Variants in LDLRAD4 observed in about 807,000 individuals in gnomAD.
LDLRAD4 encodes low-density lipoprotein receptor class A domain-containing protein 4.
A neutral mutation model predicts 17.0 loss-of-function variants in LDLRAD4; 5 were observed. The observed-to-expected ratio is 0.29, with a 90% CI of 0.15 to 0.62. The LOEUF is 0.62. Ranked by LOEUF, LDLRAD4 falls within the 20% of genes least tolerant of loss-of-function variation. The probability of loss-of-function intolerance (pLI) is 0.84; values close to 1 mark genes in which losing one functional copy is unlikely to be tolerated. For synonymous variants in LDLRAD4, 168 were observed against 171.8 expected (o/e 0.98, Z 0.17); for missense variants, 340 against 424.7 (o/e 0.80, Z 1.75).
intron 4 of LDLRAD4, among the ~76,000 whole-genome samples, chr18:13,624,707 G>A (rs2040966616): frequency 6.6e-6 from 1 of 152,154 alleles, no homozygotes; most frequent in African/African-American, 2.4e-5. Flanking sequence ...CCATCCCTAG[G>A]TGACCACCTG....
At position 13,394,514 on chromosome 18, in the gene LDLRAD4, A is replaced by C. The variant is rs2086507887; in HGVS notation, c.40+6752A>C. ...AAAATATCCAAAGCAATTAAATATAAAAATTATAAAGTCAGAAACATTCCA... is the reference window on the plus strand; with the variant it reads ...AAAATATCCAAAGCAATTAAATATACAAATTATAAAGTCAGAAACATTCCA... On this transcript the variant is annotated intron_variant, in intron 2 of 5. Transcript: ENST00000359446. Among the ~76,000 whole-genome samples, 4 of 152,356 alleles carry C rather than the reference A, an allele frequency of 2.6e-5. No individual in the cohort carries two copies. In the South Asian group the frequency reaches 8.3e-4, roughly 32 times the overall value.
At chr18:13,556,352 T>C (rs1436416056) in intron 3 of LDLRAD4, among the ~76,000 whole-genome samples, 2 of 152,242 alleles carry the variant, frequency 1.3e-5, no homozygotes, top group East Asian at 1.9e-4. Flanking sequence ...TGGATTGCTA[T>C]AAACTCTGCT....
intron 1 of LDLRAD4, among the ~76,000 whole-genome samples, chr18:13,245,219 C>T (rs1438744887): frequency 3.3e-5 from 5 of 152,136 alleles, no homozygotes; most frequent in South Asian, 2.1e-4. Flanking sequence ...CTGGGCTGTA[C>T]GGATGCATGT....
At chr18:13,600,299 A>G (rs984105846) in intron 3 of LDLRAD4, among the ~76,000 whole-genome samples, 8 of 152,218 alleles carry the variant, frequency 5.3e-5, no homozygotes. Context: ...GAGTGCAGGT[A>G]TTTTAAGAAT....
At chr18:13,439,371 G>A (rs2090877351) in intron 3 of LDLRAD4, among the ~76,000 whole-genome samples, 1 of 152,212 alleles carries the variant, frequency 6.6e-6, no homozygotes, top group Admixed American at 6.5e-5. Flanking sequence ...AAAAATGACT[G>A]TGCTCTAGCA....
chr18:13,316,596 G>A (rs2080947171), intron 1 of LDLRAD4, among the ~76,000 whole-genome samples: 1 of 152,232 alleles, frequency 6.6e-6, no homozygotes, highest in Non-Finnish European at 1.5e-5. Flanking sequence ...AGTCACAGCA[G>A]TGCCTTGTGG....
chr18:13,645,667 A>G lies in LDLRAD4; in HGVS notation c.*10A>G. 1 of 1,502,532 alleles carries G rather than the reference A, an allele frequency of 6.7e-7. No individual in the cohort carries two copies. Among genetic ancestry groups the G allele is most frequent in the Non-Finnish European group, 8.9e-7 (1 of 1,126,832 alleles). The allele number at this position is 1,502,532 out of a possible 1,614,324, so 93.1% of individuals were successfully genotyped here. A position where few individuals can be genotyped will look rare whatever the true frequency, so the allele number is the denominator to read the frequency against. On this transcript the variant is annotated 3_prime_UTR_variant, in exon 6 of 6. Transcript: ENST00000359446. This position sits in a 1 kb window ranked among gnomAD's most constrained non-coding sequence, Gnocchi z 5.7. Reference sequence around the variant, plus strand: ...TGGGAACCTGGTCTGATTCCTTCCAACGTGCACTTCAGCTGGAGAAAGAAA... The same window carrying G: ...TGGGAACCTGGTCTGATTCCTTCCAGCGTGCACTTCAGCTGGAGAAAGAAA...
intron 1 of LDLRAD4, among the ~76,000 whole-genome samples, chr18:13,355,879 C>G (rs1329668571): frequency 6.6e-6 from 1 of 152,238 alleles, no homozygotes; most frequent in Non-Finnish European, 1.5e-5. Flanking sequence ...GATCCTCCCA[C>G]CCTGGCCTCC....
chr18:13,476,766 ATGT>A, intron 3 of LDLRAD4, among the ~76,000 whole-genome samples: 1 of 152,164 alleles, frequency 6.6e-6, no homozygotes, highest in African/African-American at 2.4e-5. Context: ...GAGGCCCATG[ATGT>A]TGTTTGCTCA....
At chr18:13,641,039 C>T (rs2042505449) in intron 4 of LDLRAD4, among the ~76,000 whole-genome samples, 1 of 152,168 alleles carries the variant, frequency 6.6e-6, no homozygotes, top group African/African-American at 2.4e-5. Context: ...AGAATGTATA[C>T]ATGTATTACG....
At chr18:13,430,350 G>C (rs962143532) in intron 2 of LDLRAD4, among the ~76,000 whole-genome samples, 1 of 152,208 alleles carries the variant, frequency 6.6e-6, no homozygotes, top group African/African-American at 2.4e-5. Context: ...ATCACGAGAA[G>C]GTTATGCGAG....
intron 1 of LDLRAD4, 133 bp downstream of exon 1, chr18:13,219,121 G>T (rs534347721): frequency 6.6e-5 from 10 of 150,384 alleles, no homozygotes; most frequent in African/African-American, 2.4e-4. Context: ...CGATGAGGCA[G>T]AGGTTTTCAG....
intron 2 of LDLRAD4, among the ~76,000 whole-genome samples, chr18:13,402,402 A>G (rs2087311193): frequency 6.6e-6 from 1 of 152,206 alleles, no homozygotes. Flanking sequence ...GAATTACAGG[A>G]TTGTTGTCTC....
At chr18:13,469,856 T>A (rs2092720462) in intron 3 of LDLRAD4, among the ~76,000 whole-genome samples, 1 of 152,210 alleles carries the variant, frequency 6.6e-6, no homozygotes, top group African/African-American at 2.4e-5. Flanking sequence ...TCTCAGTTAC[T>A]GGGAGGCTGA....
At chr18:13,280,729 T>A (rs1195410334) in intron 1 of LDLRAD4, among the ~76,000 whole-genome samples, 1 of 152,214 alleles carries the variant, frequency 6.6e-6, no homozygotes, top group Non-Finnish European at 1.5e-5. Context: ...ACTGGAAAGG[T>A]GCAGCTGGAG....
At chr18:13,323,975 G>A (rs1244936426) in intron 1 of LDLRAD4, among the ~76,000 whole-genome samples, 3 of 151,824 alleles carry the variant, frequency 2.0e-5, no homozygotes, top group Non-Finnish European at 4.4e-5. Context: ...TGAGGCAGGA[G>A]AATCGCTTGA....
intron 3 of LDLRAD4, among the ~76,000 whole-genome samples, chr18:13,578,827 C>CTTTTTGTTTTTTTTTTTTTTTTTT (rs2094812955): frequency 1.5e-5 from 1 of 65,676 alleles, no homozygotes; most frequent in African/African-American, 6.2e-5. Context: ...TTGTCCGGGT[C>CTTTTTGTTTTTTTTTTTTTTTTTT]TTTTTTTTTT....
chr18:13,309,349 A>G (rs1348854148), intron 1 of LDLRAD4, among the ~76,000 whole-genome samples: 1 of 152,238 alleles, frequency 6.6e-6, no homozygotes, highest in Non-Finnish European at 1.5e-5. Context: ...CCGGATGATG[A>G]TGACTTCGCC....
intron 1 of LDLRAD4, among the ~76,000 whole-genome samples, chr18:13,262,470 G>A (rs1420963610): frequency 9.9e-6 from 1 of 101,112 alleles, no homozygotes. Context: ...CTGTGCGTGG[G>A]GGCTGAGTCC....
Sources: gnomAD v4.1 joint callset for allele counts (sites outside exome capture counted in the v4.1 genomes callset) on GRCh38, gnomAD v4.1.1 for gene constraint, Gnocchi (gnomAD v3.1) non-coding constraint, MANE v1.5 for transcripts, NCBI Gene and HGNC (gene_info 2026-07-23, HGNC 2026-07-21) for gene names.